The following LAMA3 variants were observed in gnomAD, a reference collection of about 807,000 sequenced individuals.
LAMA3 encodes laminin subunit alpha-3.
In LAMA3, 281 loss-of-function variants were observed where a neutral mutation model predicts 402.0. That is an observed-to-expected ratio of 0.70 (90% CI 0.63 to 0.77). The LOEUF (loss-of-function observed/expected upper bound fraction) is 0.77, where lower values mean the gene tolerates loss of function less well. LAMA3 is among the 30% of genes least tolerant of loss of function. The pLI is 0.00. For missense variants in LAMA3, 3,840 were observed against 4,215.5 expected, an observed-to-expected ratio of 0.91 and a Z score of 2.47; for synonymous variants, 1,431 against 1,558.4, an observed-to-expected ratio of 0.92 and a Z score of 1.93.
rs562957625 is a variant in LAMA3, at chr18:23,897,408, A to G, written c.5614-1330A>G. Among the ~76,000 whole-genome samples the G allele has an allele frequency of 3.2e-3, 494 of 152,288 alleles. 4 individuals carry two copies. The highest frequency in any genetic ancestry group is 0.012 in the African/African-American group (480 of 41,554). ...AGGAGGGAAAAGCATTTATGTCTTG[A>G]GGGGAAAAAAAAGGAAGCCACTGGC... On this transcript the variant is annotated intron_variant, in intron 44 of 74. Coordinates refer to ENST00000313654, the MANE Select transcript of LAMA3 (RefSeq NM_198129.4).
At chr18:23,733,076 A>G (rs566175751) in intron 2 of LAMA3, among the ~76,000 whole-genome samples, 65 of 152,026 alleles carry the variant, frequency 4.3e-4, no homozygotes, top group Non-Finnish European at 3.7e-4. Context: ...CAGGTTTGGG[A>G]CTAATCAGCA....
At chr18:23,725,761 C>G (rs1008623241) in intron 2 of LAMA3, among the ~76,000 whole-genome samples, 2 of 152,222 alleles carry the variant, frequency 1.3e-5, no homozygotes, top group South Asian at 2.1e-4. Context: ...CACAAGGTTC[C>G]CTTTGGTCTT....
rs1154232 is a variant in LAMA3, at chr18:23,931,070, C to T, written c.8445C>T (p.Asn2815=). The T allele has an allele frequency of 2.3e-4, 379 of 1,612,830 alleles. No homozygotes were observed. The highest frequency in any genetic ancestry group is 3.1e-4 in the Non-Finnish European group (371 of 1,179,026). Residue 2815 remains asparagine (N), a synonymous_variant, in exon 65 of 75, where the codon AAC becomes AAT. Coordinates refer to ENST00000313654, the MANE Select transcript of LAMA3 (RefSeq NM_198129.4). ...TTCTATGGTGATTTCAGACAAGGAA[C>T]CTGCAGGTCACTCTGGAAGATGGTT... The part of the protein sequence containing the change: ...ILLDHQTWTR[N]LQVTLEDGYI...
At chr18:23,729,341 G>C (rs1264487688) in intron 2 of LAMA3, among the ~76,000 whole-genome samples, 1 of 152,152 alleles carries the variant, frequency 6.6e-6, no homozygotes, top group African/African-American at 2.4e-5. Flanking sequence ...ACTTATGTCT[G>C]CCCTATTCTC....
chr18:23,949,432 G>A (rs557920841), intron 70 of LAMA3, among the ~76,000 whole-genome samples: 6 of 152,242 alleles, frequency 3.9e-5, no homozygotes, highest in South Asian at 2.1e-4. Flanking sequence ...GAGGACCAGG[G>A]TCAGGTCAAC....
chr18:23,876,245 T>G, intron 38 of LAMA3, 49 bp from the exon 39 acceptor site: 1 of 1,224,572 alleles, frequency 8.2e-7, no homozygotes, highest in Non-Finnish European at 1.2e-6. Context: ...CTTTGGATAG[T>G]AATTGTTTTC....
intron 25 of LAMA3, among the ~76,000 whole-genome samples, chr18:23,838,517 T>A (rs1349601783): frequency 1.3e-5 from 2 of 152,234 alleles, no homozygotes. Flanking sequence ...TGAGCTTCCT[T>A]ATGGCTTTGT....
intron 1 of LAMA3, among the ~76,000 whole-genome samples, chr18:23,708,183 T>G (rs1302265729): frequency 6.6e-6 from 1 of 152,204 alleles, no homozygotes; most frequent in African/African-American, 2.4e-5. Flanking sequence ...CCACCTATGT[T>G]ATATACTAAA....
chr18:23,854,370 G>A (rs1014733930), intron 32 of LAMA3, among the ~76,000 whole-genome samples: 7 of 152,196 alleles, frequency 4.6e-5, no homozygotes, highest in African/African-American at 4.8e-5. Flanking sequence ...GGCCAGGTGC[G>A]GTGGCTCACG....
chr18:23,802,088 C>T (rs1479725703), intron 12 of LAMA3, among the ~76,000 whole-genome samples: 1 of 152,164 alleles, frequency 6.6e-6, no homozygotes, highest in Admixed American at 6.5e-5. Context: ...CAAAATGCTC[C>T]CGCATCCAGA....
At chr18:23,806,782 A>G (rs1027549932) in intron 12 of LAMA3, among the ~76,000 whole-genome samples, 1 of 152,226 alleles carries the variant, frequency 6.6e-6, no homozygotes, top group African/African-American at 2.4e-5. Context: ...CTGCAGTCTC[A>G]GCTCTGAGGC....
chr18:23,784,254 C>A, intron 12 of LAMA3, 97 bp downstream of exon 12: 1 of 1,470,954 alleles, frequency 6.8e-7, no homozygotes. Context: ...GTCTGGCTTG[C>A]AGTTTAATAA....
At chr18:23,923,088 C>T (rs2081895564) in intron 62 of LAMA3, among the ~76,000 whole-genome samples, 1 of 152,178 alleles carries the variant, frequency 6.6e-6, no homozygotes, top group South Asian at 2.1e-4. Context: ...AGCACCAAAG[C>T]TGGATAGAGA....
chr18:23,759,933 A>G lies in LAMA3; in HGVS notation c.1063+1422A>G, dbSNP rs912706965. Among the ~76,000 whole-genome samples, 74 of 152,166 alleles carry G rather than the reference A, an allele frequency of 4.9e-4. 1 individual carries two copies. The highest frequency in any genetic ancestry group is 4.6e-3 in the Admixed American group (70 of 15,262). ...ACAGCTAATCGGTTCCTTCTCAATG[A>G]CTTCTCCATTGCTCACCCCAGATGA... On this transcript the variant is annotated intron_variant, in intron 7 of 74. Transcript: ENST00000313654.
intron 2 of LAMA3, among the ~76,000 whole-genome samples, chr18:23,730,566 C>T (rs987431332): frequency 6.6e-6 from 1 of 151,962 alleles, no homozygotes; most frequent in African/African-American, 2.4e-5. Flanking sequence ...GGAGTTTCAC[C>T]ATGTTGGCCA....
At chr18:23,709,679 A>G (rs2060953181) in intron 1 of LAMA3, 1 of 399,902 alleles carries the variant, frequency 2.5e-6, no homozygotes, top group African/African-American at 2.1e-5. Context: ...TCCCAGTGAT[A>G]CTCATGGGAA....
intron 12 of LAMA3, 50 bp from the exon 13 acceptor site, chr18:23,810,316 C>A: frequency 1.2e-6 from 2 of 1,609,716 alleles, no homozygotes; most frequent in Non-Finnish European, 1.7e-6. Context: ...GTTCTTCCCC[C>A]TCCCATACCT....
chr18:23,743,184 A>G (rs1476033725), intron 2 of LAMA3, among the ~76,000 whole-genome samples: 1 of 152,218 alleles, frequency 6.6e-6, no homozygotes, highest in Non-Finnish European at 1.5e-5. Flanking sequence ...ATTATTCTTC[A>G]TTTTCTTAAA....
At chr18:23,808,896 G>T (rs923337754) in intron 12 of LAMA3, among the ~76,000 whole-genome samples, 11 of 152,184 alleles carry the variant, frequency 7.2e-5, no homozygotes, top group Non-Finnish European at 1.5e-4. Context: ...CAGAACTGGG[G>T]CTTTACCTTA....
Sources: allele counts gnomAD v4.1 joint callset (sites outside exome capture counted in the v4.1 genomes callset), GRCh38; gene constraint gnomAD v4.1.1; transcripts MANE v1.5; gene names NCBI Gene and HGNC (gene_info 2026-07-23, HGNC 2026-07-21).